The following RMST variants were observed in gnomAD, a reference collection of about 807,000 sequenced individuals.
The protein encoded by RMST is rhabdomyosarcoma 2 associated transcript, also known as long intergenic non-protein coding RNA 54.
At chr12:97,526,814 A>C (rs1693244379) in intron 10 of RMST, among the ~76,000 whole-genome samples, 1 of 152,090 alleles carries the variant, frequency 6.6e-6, no homozygotes, top group Non-Finnish European at 1.5e-5. Flanking sequence ...GCTACACTGT[A>C]CTGTTTCTTG....
At chr12:97,491,214 CT>C (rs1356412169) in intron 5 of RMST, among the ~76,000 whole-genome samples, 1 of 152,136 alleles carries the variant, frequency 6.6e-6, no homozygotes, top group Non-Finnish European at 1.5e-5. Flanking sequence ...TGCAGCTCAC[CT>C]ATGGGGAAGG....
In RMST at chr12:97,463,945, T is replaced by G. The variant is rs190474391; in HGVS notation, n.584+656T>G. 3.3e-5 allele frequency among the ~76,000 whole-genome samples: 5 copies of G among 152,288 alleles called. No homozygotes were observed. In the East Asian group the frequency reaches 9.6e-4, roughly 29 times the overall value. On this transcript the variant is annotated intron_variant and non_coding_transcript_variant, in intron 4 of 13. Coordinates refer to ENST00000640149, the Ensembl canonical transcript of RMST. ...AGAGGATGAACACTTTGTGTAGAGA[T>G]ATTACTAAAACTTAATAGACATTGT...
Position 97,541,028 on chromosome 12 carries a change from A to G in RMST, n.1545+10169A>G, listed in dbSNP as rs28528863. On this transcript the variant is annotated intron_variant and non_coding_transcript_variant, in intron 11 of 13. Transcript: ENST00000640149. ...GTCCCAGGTGTATATATATATATAT[A>G]TGTGTGTTTTGTACACATATATCAT... 4.2e-3 allele frequency among the ~76,000 whole-genome samples: 642 copies of G among 151,344 alleles called. 5 individuals are homozygous for G. Among genetic ancestry groups the G allele is most frequent in the African/African-American group, 1.0e-2 (412 of 41,300 alleles).
chr12:97,547,408 C>G (rs113145961), intron 11 of RMST, among the ~76,000 whole-genome samples: 31 of 152,008 alleles, frequency 2.0e-4, no homozygotes, highest in African/African-American at 7.2e-4. Context: ...GACAAATACC[C>G]AGTAGTGGGA....
intron 11 of RMST, among the ~76,000 whole-genome samples, chr12:97,531,714 A>G (rs1428401359): frequency 6.6e-6 from 1 of 152,006 alleles, no homozygotes; most frequent in Non-Finnish European, 1.5e-5. Flanking sequence ...AATTTGCAAT[A>G]TAATCGGGGA....
At chr12:97,560,322 G>A (rs1884029767) in intron 11 of RMST, among the ~76,000 whole-genome samples, 1 of 152,202 alleles carries the variant, frequency 6.6e-6, no homozygotes. Context: ...CATTCAGACT[G>A]AGTCGAATTA....
chr12:97,561,578 C>T (rs988084259), intron 13 of RMST, among the ~76,000 whole-genome samples: 11 of 145,482 alleles, frequency 7.6e-5, no homozygotes, highest in Middle Eastern at 3.8e-3. Context: ...CCCTTTGGGA[C>T]GAGCATGATT....
chr12:97,541,030 G>A lies in RMST; in HGVS notation n.1545+10171G>A, dbSNP rs528504210. 2.4e-4 allele frequency among the ~76,000 whole-genome samples: 35 copies of A among 146,848 alleles called. No homozygotes were observed. The East Asian group carries it at 5.2e-3, about 22-fold the overall frequency. On this transcript the variant is annotated intron_variant and non_coding_transcript_variant, in intron 11 of 13. Transcript: ENST00000640149. ...CCCAGGTGTATATATATATATATATGTGTGTTTTGTACACATATATCATTT... is the reference window on the plus strand; with the variant it reads ...CCCAGGTGTATATATATATATATATATGTGTTTTGTACACATATATCATTT...
At chr12:97,553,258 G>C (rs573404407) in intron 11 of RMST, among the ~76,000 whole-genome samples, 10 of 152,102 alleles carry the variant, frequency 6.6e-5, no homozygotes, top group Non-Finnish European at 1.3e-4. Flanking sequence ...TTTTAAAGTT[G>C]TGTTTGGAGA....
intron 5 of RMST, among the ~76,000 whole-genome samples, chr12:97,476,916 G>A (rs1874618081): frequency 6.6e-6 from 1 of 152,164 alleles, no homozygotes; most frequent in Admixed American, 6.6e-5. Flanking sequence ...GGAAAGAATG[G>A]TGTGTACTTC....
chr12:97,473,183 A>G lies in RMST; in HGVS notation n.644+7456A>G, dbSNP rs558724110. Among the ~76,000 whole-genome samples the G allele has an allele frequency of 3.5e-4, 53 of 152,264 alleles. No homozygotes were observed. In the South Asian group the frequency reaches 0.01, roughly 30 times the overall value. On this transcript the variant is annotated intron_variant and non_coding_transcript_variant, in intron 5 of 13. Coordinates refer to ENST00000640149, the Ensembl canonical transcript of RMST. ...ATTATTTGTTGTGAGAATAATGAGA[A>G]TATTCAGAATAAAGGCTAATTCTTG...
intron 5 of RMST, among the ~76,000 whole-genome samples, chr12:97,487,557 G>C (rs1266883638): frequency 2.0e-5 from 3 of 152,166 alleles, no homozygotes; most frequent in Non-Finnish European, 2.9e-5. Flanking sequence ...CTGGGGTGGA[G>C]AGAGTGGGGT....
chr12:97,469,045 C>G (rs1225553354), intron 5 of RMST, among the ~76,000 whole-genome samples: 1 of 151,594 alleles, frequency 6.6e-6, no homozygotes, highest in Non-Finnish European at 1.5e-5. Flanking sequence ...ATATATTTCT[C>G]TTTTCTACTC....
intron 11 of RMST, among the ~76,000 whole-genome samples, chr12:97,546,392 G>C (rs964750655): frequency 2.0e-5 from 3 of 151,980 alleles, no homozygotes; most frequent in Admixed American, 6.6e-5. Context: ...GACCAGCCTG[G>C]CCAACATGGT....
intron 10 of RMST, among the ~76,000 whole-genome samples, chr12:97,529,419 T>G (rs1881428103): frequency 6.6e-6 from 1 of 152,094 alleles, no homozygotes; most frequent in African/African-American, 2.4e-5. Flanking sequence ...GATAAAACAT[T>G]TTGTGTTGTG....
intron 5 of RMST, among the ~76,000 whole-genome samples, chr12:97,489,232 G>T (rs1307460948): frequency 6.6e-6 from 1 of 152,130 alleles, no homozygotes; most frequent in Non-Finnish European, 1.5e-5. Flanking sequence ...GATCGCTTGA[G>T]CTCAGGAGTT....
At chr12:97,470,956 C>A (rs1276001917) in intron 5 of RMST, among the ~76,000 whole-genome samples, 1 of 152,082 alleles carries the variant, frequency 6.6e-6, no homozygotes, top group Admixed American at 6.6e-5. Context: ...GTGCAAATCT[C>A]CTCTATCAAT....
At chr12:97,535,628 TC>T (rs777582589) in intron 11 of RMST, among the ~76,000 whole-genome samples, 12 of 151,620 alleles carry the variant, frequency 7.9e-5, no homozygotes, top group Non-Finnish European at 1.6e-4. Context: ...GTGAAGCCTT[TC>T]CTTCACCAAA....
chr12:97,556,584 A>G (rs1883723633), intron 11 of RMST, among the ~76,000 whole-genome samples: 1 of 152,222 alleles, frequency 6.6e-6, no homozygotes, highest in Non-Finnish European at 1.5e-5. Flanking sequence ...TTTGTAGGAC[A>G]CACCAAATTC....
Sources: gnomAD v4.1 joint callset for allele counts (sites outside exome capture counted in the v4.1 genomes callset) on GRCh38, gnomAD v4.1.1 for gene constraint, MANE v1.5 for transcripts, NCBI Gene and HGNC (gene_info 2026-07-23, HGNC 2026-07-21) for gene names.